TDRD7: variants seen among roughly 807,000 people sequenced by gnomAD.
TDRD7 encodes tudor domain-containing protein 7.
A neutral mutation model predicts 109.8 loss-of-function variants in TDRD7; 47 were observed. The ratio of observed to expected loss-of-function variants is 0.43; its 90% CI spans 0.34 to 0.55. The LOEUF (loss-of-function observed/expected upper bound fraction) is 0.55, where lower values mean the gene tolerates loss of function less well. Ranked by LOEUF, TDRD7 falls within the 20% of genes least tolerant of loss-of-function variation. TDRD7 has a pLI of 0.03. For missense variants in TDRD7, 1,164 were observed against 1,319.2 expected (o/e 0.88, Z 1.82); for synonymous variants, 424 against 457.3 (o/e 0.93, Z 0.93).
At chr9:97,490,450 C>T (rs551992684) in intron 16 of TDRD7, among the ~76,000 whole-genome samples, 9 of 150,018 alleles carry the variant, frequency 6.0e-5, no homozygotes, top group South Asian at 2.1e-4. Context: ...CTTTGTTCTT[C>T]TATGGATAAG....
Position 97,428,457 on chromosome 9 carries a change from T to C in TDRD7, c.-6-3T>C, listed in dbSNP as rs747079212. On this transcript the variant is annotated splice_polypyrimidine_tract_variant and splice_region_variant and intron_variant, in intron 1 of 16. Coordinates refer to ENST00000355295, the MANE Select transcript of TDRD7 (RefSeq NM_014290.3). ...ATAGTAACCTTCTACTGTGTTCTTA[T>C]AGGCAAAGATGCTGGAAGGAGATCT... 4.0e-5 allele frequency: 64 copies of C among 1,613,650 alleles called. No individual in the cohort carries two copies. In the East Asian group the frequency reaches 4.7e-4, roughly 12 times the overall value.
At chr9:97,429,411 C>T (rs1326162104) in intron 2 of TDRD7, among the ~76,000 whole-genome samples, 1 of 152,162 alleles carries the variant, frequency 6.6e-6, no homozygotes, top group East Asian at 1.9e-4. Context: ...CCCCCTCATA[C>T]ACTATGGTTT....
intron 13 of TDRD7, among the ~76,000 whole-genome samples, chr9:97,479,967 T>C (rs1330912241): frequency 6.6e-6 from 1 of 152,072 alleles, no homozygotes; most frequent in African/African-American, 2.4e-5. Context: ...CCTGCAGATA[T>C]TCAAGTGTGC....
chr9:97,468,513 C>T (rs942467922), intron 8 of TDRD7, among the ~76,000 whole-genome samples: 1 of 152,212 alleles, frequency 6.6e-6, no homozygotes, highest in African/African-American at 2.4e-5. Context: ...AACTTGTTCC[C>T]CACATCCCCT....
chr9:97,478,769 G>C (rs1829066803), intron 13 of TDRD7, 196 bp downstream of exon 13: 2 of 689,208 alleles, frequency 2.9e-6, no homozygotes, highest in East Asian at 5.9e-5. Context: ...TTTACATACT[G>C]TTGTTTGAGA....
In TDRD7 at chr9:97,472,422, G is replaced by A; in HGVS notation, c.1871G>A (p.Gly624Glu). 6.2e-7 allele frequency: 1 copy of A among 1,613,944 alleles called. No homozygotes were observed. Among genetic ancestry groups the A allele is most frequent in the Non-Finnish European group, 8.5e-7 (1 of 1,179,906 alleles). ...CTTGTTGTTCTGTACGATACCTCAG[G>A]AGAAGATGATATCAATATCAATGCC... is the stretch of plus-strand genomic sequence containing the variant. The part of the protein sequence containing the change: ...IPLVVLYDTS[G>E]EDDININATC... Residue 624 changes from glycine to glutamate, a missense_variant, in exon 10 of 17, where the codon GGA becomes GAA. By Grantham distance (98) the Gly-to-Glu change is moderately conservative. This residue lies in a region of TDRD7 where 261 missense variants were observed against 336.2 expected (regional missense o/e 0.78). Coordinates refer to ENST00000355295, the MANE Select transcript of TDRD7 (RefSeq NM_014290.3).
chr9:97,472,753 A>T lies in TDRD7; in HGVS notation c.1944+258A>T, dbSNP rs4743103. On this transcript the variant is annotated intron_variant, in intron 10 of 16. Transcript: ENST00000355295. ...TTATATGAGATTATTTTGTAAAGATAATAAGGAAAAATAACACAAAAGAAG... is the reference window on the plus strand; with the variant it reads ...TTATATGAGATTATTTTGTAAAGATTATAAGGAAAAATAACACAAAAGAAG... 0.45 allele frequency among the ~76,000 whole-genome samples: 69,024 copies of T among 151,898 alleles called. 15,746 individuals carry two copies. The highest frequency in any genetic ancestry group is 0.52 in the Admixed American group (7,862 of 15,256).
intron 3 of TDRD7, among the ~76,000 whole-genome samples, chr9:97,431,681 G>T (rs1199619268): frequency 6.6e-6 from 1 of 152,116 alleles, no homozygotes; most frequent in Non-Finnish European, 1.5e-5. Flanking sequence ...ACCCCAGACC[G>T]CAAACAATGG....
At chr9:97,445,900 A>T (rs1828391804) in intron 6 of TDRD7, among the ~76,000 whole-genome samples, 1 of 152,184 alleles carries the variant, frequency 6.6e-6, no homozygotes, top group African/African-American at 2.4e-5. Context: ...TCAAGGCAGG[A>T]GAATTGCTTG....
At chr9:97,449,454 A>G (rs1045365800) in intron 6 of TDRD7, among the ~76,000 whole-genome samples, 1 of 152,198 alleles carries the variant, frequency 6.6e-6, no homozygotes, top group Non-Finnish European at 1.5e-5. Context: ...TTTGGGTTTG[A>G]TTAATTTGCT....
At chr9:97,480,773 A>T in intron 13 of TDRD7, 55 bp from the exon 14 acceptor site, 1 of 1,360,452 alleles carries the variant, frequency 7.4e-7, no homozygotes, top group Non-Finnish European at 1.1e-6. Context: ...AACATTACTC[A>T]TAACTAGGTA....
In TDRD7 at chr9:97,490,551, G is replaced by GC. The variant is rs544383312; in HGVS notation, c.3076+3219_3076+3220insC. Among the ~76,000 whole-genome samples, 733 of 135,978 alleles carry GC rather than the reference G, an allele frequency of 5.4e-3. 7 individuals carry two copies. The highest frequency in any genetic ancestry group is 9.0e-3 in the Non-Finnish European group (568 of 63,414). 89.2% of individuals were successfully genotyped at this position (135,978 alleles called of 152,430 possible). ...TGATATGCCTAGATATATTTTGGTG[G>GC]GGGGGGGGGCATTTATCTTGCTTGG... On this transcript the variant is annotated intron_variant, in intron 16 of 16. Transcript: ENST00000355295.
intron 16 of TDRD7, among the ~76,000 whole-genome samples, chr9:97,489,805 A>C (rs1307873820): frequency 6.6e-6 from 1 of 151,984 alleles, no homozygotes; most frequent in African/African-American, 2.4e-5. Context: ...CTTTCTTAGG[A>C]TATCAATTAT....
At position 97,441,710 on chromosome 9, in the gene TDRD7, C is replaced by T. The variant is rs1229675125; in HGVS notation, c.690C>T (p.Tyr230=). The change falls in exon 6 of 17, where the codon TAC becomes TAT. Residue 230 remains tyrosine (Y), a synonymous_variant. Transcript: ENST00000355295. ...EKPNVKPPAS[Y]TYKMDEVQNR... ...CCAATGTCAAGCCTCCTGCCTCTTACACTTATAAAATGGATGAGGTTCAAA... is the reference window on the plus strand; with the variant it reads ...CCAATGTCAAGCCTCCTGCCTCTTATACTTATAAAATGGATGAGGTTCAAA... The T allele has an allele frequency of 2.5e-6, 4 of 1,613,264 alleles. No homozygotes were observed. The highest frequency in any genetic ancestry group is 2.7e-5 in the African/African-American group (2 of 74,854).
At chr9:97,476,257 A>G (rs566295899) in intron 12 of TDRD7, among the ~76,000 whole-genome samples, 3 of 152,238 alleles carry the variant, frequency 2.0e-5, no homozygotes, top group African/African-American at 7.2e-5. Flanking sequence ...GCCCAAGACA[A>G]TTTTGGCTTT....
At chr9:97,478,684 A>G (rs746122899) in intron 13 of TDRD7, 111 bp downstream of exon 13, 24 of 1,483,376 alleles carry the variant, frequency 1.6e-5, no homozygotes, top group Non-Finnish European at 2.2e-5. Context: ...AGAAAATTGG[A>G]AATTGTCCAA....
intron 1 of TDRD7, among the ~76,000 whole-genome samples, chr9:97,413,753 C>G (rs892024009): frequency 6.6e-6 from 1 of 152,214 alleles, no homozygotes; most frequent in African/African-American, 2.4e-5. Flanking sequence ...ACACAGCCTC[C>G]GTCTTTGGTA....
At chr9:97,474,668 C>T (rs1463952659) in intron 11 of TDRD7, among the ~76,000 whole-genome samples, 3 of 152,154 alleles carry the variant, frequency 2.0e-5, no homozygotes, top group Non-Finnish European at 2.9e-5. Flanking sequence ...ATCTGAAACC[C>T]CCAGCTTGGC....
At chr9:97,482,790 G>C in intron 14 of TDRD7, 59 bp from the exon 15 acceptor site, 2 of 1,573,674 alleles carry the variant, frequency 1.3e-6, no homozygotes, top group Non-Finnish European at 1.7e-6. Context: ...TACTATAACT[G>C]CCTCTCAAAA....
Sources: allele counts gnomAD v4.1 joint callset (sites outside exome capture counted in the v4.1 genomes callset), GRCh38; gene constraint gnomAD v4.1.1; regional missense constraint gnomAD v4.1.1; transcripts MANE v1.5; gene names NCBI Gene and HGNC (gene_info 2026-07-23, HGNC 2026-07-21).